Variants in DELE1 observed in about 807,000 individuals in gnomAD.
The protein encoded by DELE1 is DAP3 binding cell death enhancer 1.
In DELE1, 54 loss-of-function variants were observed where a neutral mutation model predicts 59.3. The observed-to-expected ratio is 0.91, with a 90% confidence interval of 0.73 to 1.14. The LOEUF (loss-of-function observed/expected upper bound fraction) is 1.14, where lower values mean the gene tolerates loss of function less well. DELE1 is among the 50% of genes most tolerant of loss of function. The pLI is 0.00. For synonymous variants in DELE1, 264 were observed against 259.1 expected, an observed-to-expected ratio of 1.02 and a Z score of -0.18; for missense variants, 636 against 643.9, an observed-to-expected ratio of 0.99 and a Z score of 0.13.
Position 141,938,553 on chromosome 5 carries a change from C to T in DELE1, c.1342C>T (p.Leu448=), listed in dbSNP as rs773241656. 2 of 1,614,138 alleles carry T rather than the reference C, an allele frequency of 1.2e-6. No individual in the cohort carries two copies. Among genetic ancestry groups the T allele is most frequent in the Non-Finnish European group, 1.7e-6 (2 of 1,180,000 alleles). Residue 448 remains leucine (L), a synonymous_variant, in exon 12 of 12, where the codon CTG becomes TTG. Transcript: ENST00000432126. The stretch of plus-strand genomic sequence containing the variant: ...GCCCAGCGACCTGACAGTTACAGGA[C>T]TGAAGTCTTTCTCCAGCCCCTCCCT... ...PGPSDLTVTG[L]KSFSSPSLCS... is the part of the protein sequence containing the mutation.
Position 141,940,753 on chromosome 5 carries a change from C to A in DELE1, c.*1994C>A. The stretch of plus-strand genomic sequence containing the variant: ...CACTCCTTGGGAGCAGGGTCCTTGT[C>A]TTTGTATTCCAGTGTCCCCAGCACT... On this transcript the variant is annotated 3_prime_UTR_variant, in exon 12 of 12. Transcript: ENST00000432126. 6 of 977,910 alleles carry A rather than the reference C, an allele frequency of 6.1e-6. No homozygotes were observed. The highest frequency in any genetic ancestry group is 7.3e-6 in the Non-Finnish European group (6 of 823,136). The allele number at this position is 977,910 out of a possible 1,614,324, so 60.6% of individuals were successfully genotyped here.
intron 10 of DELE1, chr5:141,934,799 G>A: frequency 1.8e-6 from 1 of 569,820 alleles, no homozygotes; most frequent in Non-Finnish European, 3.1e-6. Flanking sequence ...GAGAGCTGTT[G>A]GCAGCTTAAA....
Position 141,925,479 on chromosome 5 carries a change from G to A in DELE1, c.216G>A (p.Trp72Ter), listed in dbSNP as rs1224929124. The A allele has an allele frequency of 6.2e-7, 1 of 1,604,826 alleles. No homozygotes were observed. The highest frequency in any genetic ancestry group is 1.1e-5 in the South Asian group (1 of 89,488). ...ATGGATGGAAGGATGCCTTCCAATG[G>A]ATGTCTTCCCGTGTCTCCCCGAACA... ...RSHGWKDAFQ[W>*]MSSRVSPNTL... The change falls in exon 3 of 12, where the codon TGG (tryptophan) becomes TGA (stop). Residue 72 changes from tryptophan to a stop codon, truncating the protein, a stop_gained. Transcript: ENST00000432126. LOFTEE classifies it high-confidence loss of function.
chr5:141,927,293 C>T (rs1328299633), intron 3 of DELE1, among the ~76,000 whole-genome samples: 1 of 152,154 alleles, frequency 6.6e-6, no homozygotes, highest in East Asian at 1.9e-4. Flanking sequence ...CTCTGCCTCC[C>T]AGGTTCAAGC....
intron 11 of DELE1, 34 bp downstream of exon 11, chr5:141,937,391 C>A: frequency 6.2e-7 from 1 of 1,610,294 alleles, no homozygotes; most frequent in African/African-American, 1.3e-5. Context: ...CAGGTTCATT[C>A]CCTGAGCTCA....
intron 11 of DELE1, among the ~76,000 whole-genome samples, chr5:141,938,015 T>C (rs1319693342): frequency 6.6e-6 from 1 of 151,562 alleles, no homozygotes; most frequent in East Asian, 2.0e-4. Context: ...TAGTAGAGTC[T>C]GGGTTTCACC....
rs1168485944 is a variant in DELE1, at chr5:141,930,271, C to T, written c.751C>T (p.Leu251=). ...CAGTGTTTCCATCGCTTTCAACTTC[C>T]TGGGTAACCAAATGGACCCTGCCCC... ...QLSVSIAFNF[L]GTENMKSGDH... is the part of the protein sequence containing the mutation. Residue 251 remains leucine, a synonymous_variant, in exon 7 of 12, where the codon CTG becomes TTG. Coordinates refer to ENST00000432126, the MANE Select transcript of DELE1 (RefSeq NM_014773.5). The T allele has an allele frequency of 3.7e-6, 6 of 1,611,196 alleles. No homozygotes were observed. Among genetic ancestry groups the T allele is most frequent in the Non-Finnish European group, 5.1e-6 (6 of 1,177,288 alleles).
intron 10 of DELE1, among the ~76,000 whole-genome samples, chr5:141,935,915 G>C (rs1443807507): frequency 6.6e-6 from 1 of 152,194 alleles, no homozygotes; most frequent in Non-Finnish European, 1.5e-5. Flanking sequence ...TTGGCCTTAC[G>C]TGTGTCCACT....
chr5:141,928,409 C>G (rs990392430), intron 4 of DELE1, 111 bp downstream of exon 4: 9 of 1,294,958 alleles, frequency 7.0e-6, no homozygotes, highest in Non-Finnish European at 9.5e-6. Context: ...CTTGCCTTTC[C>G]TATCTGAAGT....
chr5:141,936,204 G>A lies in DELE1; in HGVS notation c.1150-994G>A, dbSNP rs184341511. ...CAACCTAATAAGGTAGGTGCTATTA[G>A]CATCCCACTTTATAGGTAAGAAAAC... is the stretch of plus-strand genomic sequence containing the variant. On this transcript the variant is annotated intron_variant, in intron 10 of 11. Coordinates refer to ENST00000432126, the MANE Select transcript of DELE1 (RefSeq NM_014773.5). Among the ~76,000 whole-genome samples, 3 of 152,206 alleles carry A rather than the reference G, an allele frequency of 2.0e-5. No individual in the cohort carries two copies. The East Asian group carries it at 5.8e-4, about 29-fold the overall frequency.
intron 3 of DELE1, among the ~76,000 whole-genome samples, chr5:141,926,715 C>T (rs968622468): frequency 3.3e-5 from 5 of 152,228 alleles, no homozygotes; most frequent in African/African-American, 1.2e-4. Context: ...ACAGGGTTAC[C>T]CCTCTATGGG....
intron 7 of DELE1, among the ~76,000 whole-genome samples, chr5:141,930,593 C>T (rs1751828179): frequency 6.6e-6 from 1 of 152,200 alleles, no homozygotes. Flanking sequence ...TGCACAAATC[C>T]TTGTCCAGAA....
At position 141,933,370 on chromosome 5, in the gene DELE1, A is replaced by G. The variant is rs1752095071; in HGVS notation, c.866A>G (p.His289Arg). The G allele has an allele frequency of 3.9e-6, 6 of 1,524,264 alleles. No individual in the cohort carries two copies. Among genetic ancestry groups the G allele is most frequent in the African/African-American group, 2.7e-5 (2 of 72,752 alleles). 94.4% of individuals were successfully genotyped at this position (1,524,264 alleles called of 1,614,324 possible). A position where few individuals can be genotyped will look rare whatever the true frequency, so the allele number is the denominator to read the frequency against. The change falls in exon 8 of 12, where the codon CAT (histidine) becomes CGT (arginine). Residue 289 changes from histidine (H) to arginine (R), a missense_variant. By Grantham distance (29) the His-to-Arg change is conservative (BLOSUM62 0). Transcript: ENST00000432126. ...TACAATGCGGGCTTGTGTCATGAGCATGGCAGAGGCACCCCCAGGGACATT... is the reference window on the plus strand; with the variant it reads ...TACAATGCGGGCTTGTGTCATGAGCGTGGCAGAGGCACCCCCAGGGACATT... ...AQYNAGLCHEHGRGTPRDISK... is the reference protein window; with the variant it reads ...AQYNAGLCHERGRGTPRDISK...
intron 1 of DELE1, 137 bp from the exon 2 acceptor site, chr5:141,924,444 T>G: frequency 1.6e-6 from 1 of 640,888 alleles, no homozygotes. Flanking sequence ...AGTTTATTGG[T>G]TCTGGGGTAC....
At position 141,940,991 on chromosome 5, in the gene DELE1, C is replaced by A. The variant is rs986388061; in HGVS notation, c.*2232C>A. On this transcript the variant is annotated 3_prime_UTR_variant, in exon 12 of 12. Coordinates refer to ENST00000432126, the MANE Select transcript of DELE1 (RefSeq NM_014773.5). ...TTCCAAGAAGTCCTCCAGTAAAGAA[C>A]TTGGTTAACCCAATGTTTTCTCTCA... is the stretch of plus-strand genomic sequence containing the variant. 6 of 983,310 alleles carry A rather than the reference C, an allele frequency of 6.1e-6. No homozygotes were observed. The African/African-American group carries it at 1.0e-4, about 17-fold the overall frequency. The allele number at this position is 983,310 out of a possible 1,614,324, so 60.9% of individuals were successfully genotyped here.
At position 141,925,507 on chromosome 5, in the gene DELE1, C is replaced by A; in HGVS notation, c.244C>A (p.Leu82Ile). Residue 82 changes from leucine to isoleucine, a missense_variant, in exon 3 of 12, where the codon CTA becomes ATA. Coordinates refer to ENST00000432126, the MANE Select transcript of DELE1 (RefSeq NM_014773.5). ...GTCTTCCCGTGTCTCCCCGAACACC[C>A]TATGGGATGCCATATCTTGGGTAAG... ...WMSSRVSPNTLWDAISWGTLA... is the reference protein window; with the variant it reads ...WMSSRVSPNTIWDAISWGTLA... 1 of 1,593,682 alleles carries A rather than the reference C, an allele frequency of 6.3e-7. No homozygotes were observed. The highest frequency in any genetic ancestry group is 8.5e-7 in the Non-Finnish European group (1 of 1,170,072).
chr5:141,929,647 C>CCTCAGCTT lies in DELE1; in HGVS notation c.479_480insTCAGCTTC (p.Arg161GlnfsTer22). On this transcript the variant is annotated frameshift_variant, in exon 5 of 12. Coordinates refer to ENST00000432126, the MANE Select transcript of DELE1 (RefSeq NM_014773.5). LOFTEE classifies it high-confidence loss of function. ...TCCCAGGCACACTGGCCTCAGGGAA[C>CCTCAGCTT]CCAGGCTTGGCCAGGAAGAAGCCTC... The CCTCAGCTT allele has an allele frequency of 6.2e-7, 1 of 1,614,222 alleles. No individual in the cohort carries two copies. The highest frequency in any genetic ancestry group is 2.2e-5 in the East Asian group (1 of 44,874).
Position 141,929,974 on chromosome 5 carries a change from G to A in DELE1, c.572-15G>A. 6.2e-7 allele frequency: 1 copy of A among 1,612,942 alleles called. No individual in the cohort carries two copies. The highest frequency in any genetic ancestry group is 8.5e-7 in the Non-Finnish European group (1 of 1,179,218). On this transcript the variant is annotated splice_polypyrimidine_tract_variant and intron_variant, in intron 5 of 11. Coordinates refer to ENST00000432126, the MANE Select transcript of DELE1 (RefSeq NM_014773.5). ...TCTCCTTTGCCCTGGCCGGGTGTCG[G>A]CCTTTCCCTTGCAGGTCCCGGTGAT... is the stretch of plus-strand genomic sequence containing the variant.
Position 141,923,921 on chromosome 5 carries a change from C to A in DELE1, c.-21C>A. On this transcript the variant is annotated 5_prime_UTR_variant, in exon 1 of 12. Coordinates refer to ENST00000432126, the MANE Select transcript of DELE1 (RefSeq NM_014773.5). The stretch of plus-strand genomic sequence containing the variant: ...GGTCTCGCGCTTTCGGCTGCGAGCT[C>A]TCTGTGGTGCTGGCAGCGACATGTG... 1.9e-6 allele frequency: 3 copies of A among 1,601,054 alleles called. No homozygotes were observed. The highest frequency in any genetic ancestry group is 2.6e-6 in the Non-Finnish European group (3 of 1,174,268).
Sources: gnomAD v4.1 joint callset for allele counts (sites outside exome capture counted in the v4.1 genomes callset) on GRCh38, gnomAD v4.1.1 for gene constraint, MANE v1.5 for transcripts, NCBI Gene and HGNC (gene_info 2026-07-23, HGNC 2026-07-21) for gene names.